The following RANBP17 variants were observed in gnomAD, a reference collection of about 807,000 sequenced individuals.
RANBP17 encodes the protein ran-binding protein 17.
Under a neutral mutation model 141.2 loss-of-function variants are expected in RANBP17, and 158 were observed. That is an observed-to-expected ratio of 1.12 (90% confidence interval 0.98 to 1.28). RANBP17 has a LOEUF of 1.28. Among genes scored for constraint, RANBP17 ranks in the 50% most tolerant of loss-of-function variants. The pLI is 0.00. For synonymous variants in RANBP17, 430 were observed against 450.0 expected, an observed-to-expected ratio of 0.96 and a Z score of 0.56; for missense variants, 1,438 against 1,290.7, an observed-to-expected ratio of 1.11 and a Z score of -1.75.
chr5:170,980,106 C>T (rs1160022000), intron 14 of RANBP17, among the ~76,000 whole-genome samples: 3 of 152,096 alleles, frequency 2.0e-5, no homozygotes, highest in African/African-American at 7.2e-5. Flanking sequence ...GGAATTTTGA[C>T]CCTACCCTAG....
At chr5:171,197,368 A>G (rs1762033675) in intron 18 of RANBP17, among the ~76,000 whole-genome samples, 1 of 152,170 alleles carries the variant, frequency 6.6e-6, no homozygotes, top group Admixed American at 6.5e-5. Context: ...GTGACCCTCA[A>G]TGATAAGTAT....
At chr5:171,159,863 CGGTGAGCCAGGATCATGCCACTCCAGCCT>C (rs1390630300) in intron 14 of RANBP17, among the ~76,000 whole-genome samples, 3 of 127,264 alleles carry the variant, frequency 2.4e-5, no homozygotes, top group Admixed American at 1.0e-4. Context: ...GCAGAGCTTG[CGGTGAGCCAGGATCATGCCACTCCAGCCT>C]GGGCGACAGA....
Position 171,195,797 on chromosome 5 carries a change from G to A in RANBP17, c.2039-3873G>A, listed in dbSNP as rs1761946732. ...TGGGCAGGCTATCTAATTCCTTTGAGTCTCTCTGCTCACATGTAAAATGAA... is the reference window on the plus strand; with the variant it reads ...TGGGCAGGCTATCTAATTCCTTTGAATCTCTCTGCTCACATGTAAAATGAA... On this transcript the variant is annotated intron_variant, in intron 18 of 27. Coordinates refer to ENST00000523189, the MANE Select transcript of RANBP17 (RefSeq NM_022897.5). Among the ~76,000 whole-genome samples, 4 of 152,284 alleles carry A rather than the reference G, an allele frequency of 2.6e-5. No homozygotes were observed. The South Asian group carries it at 8.3e-4, about 32-fold the overall frequency.
intron 14 of RANBP17, among the ~76,000 whole-genome samples, chr5:171,163,368 A>G (rs1042008837): frequency 6.6e-6 from 1 of 152,142 alleles, no homozygotes; most frequent in African/African-American, 2.4e-5. Flanking sequence ...TCCTGCTTCA[A>G]ATGTTAATGA....
chr5:170,880,753 C>G (rs1768591959), intron 2 of RANBP17, among the ~76,000 whole-genome samples: 1 of 152,182 alleles, frequency 6.6e-6, no homozygotes, highest in Non-Finnish European at 1.5e-5. Context: ...AGTCCATACT[C>G]CATTGTGCCT....
At chr5:171,181,311 G>A (rs529170258) in intron 16 of RANBP17, among the ~76,000 whole-genome samples, 58 of 152,192 alleles carry the variant, frequency 3.8e-4, no homozygotes, top group Non-Finnish European at 6.6e-4. Context: ...TTAGCCGGGC[G>A]TGGTGGCCCA....
intron 12 of RANBP17, among the ~76,000 whole-genome samples, chr5:170,949,031 T>C (rs919690412): frequency 6.6e-6 from 1 of 152,106 alleles, no homozygotes; most frequent in African/African-American, 2.4e-5. Flanking sequence ...GATGTGGGCC[T>C]GTGATCCCAG....
At chr5:171,139,694 T>C (rs1408476556) in intron 14 of RANBP17, among the ~76,000 whole-genome samples, 2 of 152,224 alleles carry the variant, frequency 1.3e-5, no homozygotes, top group Non-Finnish European at 2.9e-5. Flanking sequence ...TCTCTTTTAC[T>C]TGGGATATTA....
chr5:170,864,546 A>C (rs968191682), intron 1 of RANBP17, among the ~76,000 whole-genome samples: 2 of 152,148 alleles, frequency 1.3e-5, no homozygotes, highest in African/African-American at 4.8e-5. Flanking sequence ...CCCTGTCCCA[A>C]AGGAATTAAT....
At chr5:171,191,738 C>T (rs1188537125) in intron 18 of RANBP17, among the ~76,000 whole-genome samples, 1 of 152,000 alleles carries the variant, frequency 6.6e-6, no homozygotes, top group Non-Finnish European at 1.5e-5. Flanking sequence ...AAATGACCTG[C>T]CCAAGGTCAG....
At chr5:171,008,321 G>A (rs186667031) in intron 14 of RANBP17, among the ~76,000 whole-genome samples, 1 of 152,322 alleles carries the variant, frequency 6.6e-6, no homozygotes, top group East Asian at 1.9e-4. Context: ...CTGAGGACCC[G>A]AGGTCATAGG....
intron 14 of RANBP17, among the ~76,000 whole-genome samples, chr5:171,011,297 A>G (rs1042576181): frequency 6.6e-6 from 1 of 152,096 alleles, no homozygotes; most frequent in Admixed American, 6.6e-5. Context: ...TGATGTTATT[A>G]TCCAATTTAT....
At chr5:171,195,261 A>G (rs554449945) in intron 18 of RANBP17, among the ~76,000 whole-genome samples, 20 of 152,356 alleles carry the variant, frequency 1.3e-4, no homozygotes, top group Non-Finnish European at 2.2e-4. Flanking sequence ...TTGGAACACT[A>G]AATATATGAC....
At chr5:171,266,211 C>T (rs1409837331) in intron 25 of RANBP17, among the ~76,000 whole-genome samples, 4 of 152,064 alleles carry the variant, frequency 2.6e-5, no homozygotes, top group Non-Finnish European at 2.9e-5. Flanking sequence ...ATGAATACTC[C>T]GGTATATTGG....
At chr5:171,152,178 C>A (rs1481466545) in intron 14 of RANBP17, among the ~76,000 whole-genome samples, 2 of 151,362 alleles carry the variant, frequency 1.3e-5, no homozygotes, top group African/African-American at 4.9e-5. Flanking sequence ...TTTGGGAGTC[C>A]GAGGCAGGAG....
intron 14 of RANBP17, chr5:170,968,696 A>G (rs1238998991): frequency 2.1e-6 from 1 of 465,404 alleles, no homozygotes; most frequent in South Asian, 1.6e-5. Context: ...TTGCTTTTTT[A>G]GTAGTTCCAG....
At chr5:171,147,280 TA>T (rs1217575482) in intron 14 of RANBP17, among the ~76,000 whole-genome samples, 10 of 147,220 alleles carry the variant, frequency 6.8e-5, no homozygotes, top group Admixed American at 2.1e-4. Flanking sequence ...TGCTGAAGTC[TA>T]AAAAAAAACA....
chr5:171,265,803 A>G lies in RANBP17; in HGVS notation c.2899A>G (p.Arg967Gly), dbSNP rs1766633566. 1.2e-6 allele frequency: 2 copies of G among 1,613,956 alleles called. No homozygotes were observed. Among genetic ancestry groups the G allele is most frequent in the African/African-American group, 1.3e-5 (1 of 74,918 alleles). The change falls in exon 25 of 28, where the codon AGA becomes GGA. Residue 967 changes from arginine (R) to glycine (G), a missense_variant. Coordinates refer to ENST00000523189, the MANE Select transcript of RANBP17 (RefSeq NM_022897.5). ...RCREATQAGQ[R>G]LLHFMQQNPD... ...CAGAGAGGCTACCCAGGCTGGTCAG[A>G]GACTATTACATTTTATGCAGCAAAA...
chr5:171,130,431 CTTTTT>C (rs72051535), intron 14 of RANBP17, among the ~76,000 whole-genome samples: 13 of 90,018 alleles, frequency 1.4e-4, no homozygotes, highest in Non-Finnish European at 2.6e-4. Flanking sequence ...TTTAAAAAGA[CTTTTT>C]TTTTTTTTTT....
Sources: gnomAD v4.1 joint callset for allele counts (sites outside exome capture counted in the v4.1 genomes callset) on GRCh38, gnomAD v4.1.1 for gene constraint, MANE v1.5 for transcripts, NCBI Gene and HGNC (gene_info 2026-07-23, HGNC 2026-07-21) for gene names.